Variants in ERP27 observed in about 807,000 individuals in gnomAD.
ERP27 encodes endoplasmic reticulum protein 27.
In ERP27, 23 loss-of-function variants were observed where a neutral mutation model predicts 27.7. That is an observed-to-expected ratio of 0.83 (90% CI 0.60 to 1.18). The LOEUF (loss-of-function observed/expected upper bound fraction) is 1.18, where lower values mean the gene tolerates loss of function less well. ERP27 is among the 50% of genes most tolerant of loss of function. The pLI is 0.00. For missense variants in ERP27, 363 were observed against 327.9 expected (o/e 1.11, Z -0.83); for synonymous variants, 159 against 118.3 (o/e 1.34, Z -2.23).
At chr12:14,933,995 C>G (rs1863735808) in intron 3 of ERP27, among the ~76,000 whole-genome samples, 1 of 152,170 alleles carries the variant, frequency 6.6e-6, no homozygotes, top group Non-Finnish European at 1.5e-5. Context: ...ATGTTACTCC[C>G]CTGATGTAAA....
intron 3 of ERP27, among the ~76,000 whole-genome samples, chr12:14,934,531 G>A (rs896670839): frequency 6.6e-6 from 1 of 152,148 alleles, no homozygotes; most frequent in Admixed American, 6.5e-5. Flanking sequence ...TGACCTTAGA[G>A]ATAATACAGT....
Position 14,938,057 on chromosome 12 carries a change from A to G in ERP27, c.95-5T>C. ...CCTGGGCAGCACCAGGACCATCTAG[A>G]GAGAGAAGCAGAAGATGTCAGGGTA... On this transcript the variant is annotated splice_polypyrimidine_tract_variant and splice_region_variant and intron_variant, in intron 1 of 6. Transcript: ENST00000266397. 6.2e-7 allele frequency: 1 copy of G among 1,611,724 alleles called. No homozygotes were observed.
At chr12:14,938,332 G>C in intron 1 of ERP27, 83 bp downstream of exon 1, 3 of 1,405,554 alleles carry the variant, frequency 2.1e-6, no homozygotes, top group Non-Finnish European at 3.0e-6. Flanking sequence ...TGGAGGAAAA[G>C]TACCCAGAGA....
chr12:14,935,106 T>TGCCCAGTAACACATGATTTACC (rs1863756065), intron 2 of ERP27, 113 bp from the exon 3 acceptor site: 3 of 1,492,404 alleles, frequency 2.0e-6, no homozygotes, highest in African/African-American at 2.8e-5. Flanking sequence ...TTTGATTTAC[T>TGCCCAGTAACACATGATTTACC]GCCCAGTAAC....
chr12:14,938,198 T>C (rs1364936749), intron 1 of ERP27, 146 bp from the exon 2 acceptor site: 3 of 790,346 alleles, frequency 3.8e-6, no homozygotes, highest in Non-Finnish European at 6.3e-6. Flanking sequence ...AGGCATAATA[T>C]TTTTACTAAC....
chr12:14,926,519 AC>A (rs1863605244), intron 3 of ERP27, among the ~76,000 whole-genome samples: 1 of 152,122 alleles, frequency 6.6e-6, no homozygotes, highest in Non-Finnish European at 1.5e-5. Flanking sequence ...TTTCTGTCCT[AC>A]TTTTGAATTG....
intron 6 of ERP27, 103 bp from the exon 7 acceptor site, chr12:14,914,885 A>G: frequency 1.1e-6 from 1 of 909,976 alleles, no homozygotes; most frequent in Non-Finnish European, 1.7e-6. Flanking sequence ...ACCCTGTTAT[A>G]TGAAGTTTGA....
chr12:14,925,360 C>T (rs1438882558), intron 3 of ERP27, among the ~76,000 whole-genome samples: 1 of 152,030 alleles, frequency 6.6e-6, no homozygotes, highest in Non-Finnish European at 1.5e-5. Context: ...TTTATGTTTC[C>T]AAGATATAAA....
intron 3 of ERP27, among the ~76,000 whole-genome samples, chr12:14,929,743 G>A (rs1863670213): frequency 1.3e-5 from 2 of 151,950 alleles, no homozygotes; most frequent in Non-Finnish European, 1.5e-5. Flanking sequence ...CTGTTCATTA[G>A]TATTTCAGCT....
chr12:14,933,741 C>T (rs956677475), intron 3 of ERP27, among the ~76,000 whole-genome samples: 1 of 152,160 alleles, frequency 6.6e-6, no homozygotes, highest in Non-Finnish European at 1.5e-5. Flanking sequence ...CTGCACATGA[C>T]CTCACTATTC....
At chr12:14,933,050 A>C (rs999289481) in intron 3 of ERP27, among the ~76,000 whole-genome samples, 1 of 152,246 alleles carries the variant, frequency 6.6e-6, no homozygotes, top group African/African-American at 2.4e-5. Context: ...TATGCAAAAG[A>C]ATTGTACTTC....
chr12:14,922,588 A>G (rs1436384303), intron 3 of ERP27, among the ~76,000 whole-genome samples: 1 of 152,204 alleles, frequency 6.6e-6, no homozygotes, highest in African/African-American at 2.4e-5. Context: ...GTGACTGCAC[A>G]TGAAAGAAGG....
chr12:14,938,319 G>T, intron 1 of ERP27, 96 bp downstream of exon 1: 2 of 1,273,274 alleles, frequency 1.6e-6, no homozygotes, highest in South Asian at 1.2e-5. Context: ...AGCTTTCTAG[G>T]TGTGGAGGAA....
Position 14,937,970 on chromosome 12 carries a change from A to C in ERP27, c.177T>G (p.Ala59=). The C allele has an allele frequency of 1.9e-6, 3 of 1,613,954 alleles. No homozygotes were observed. Among genetic ancestry groups the C allele is most frequent in the Non-Finnish European group, 2.5e-6 (3 of 1,179,828 alleles). ...AACTAACCTGGAAGAAGCCTATGAC[A>C]GCCACCTCAGTGGCAGCAATGAATT... ...AMEFIAATEV[A]VIGFFQDLEI... is the part of the protein sequence containing the mutation. The change falls in exon 2 of 7, where the codon GCT becomes GCG. Residue 59 remains alanine (A), a synonymous_variant. Transcript: ENST00000266397.
chr12:14,934,423 G>A (rs933759286), intron 3 of ERP27, among the ~76,000 whole-genome samples: 2 of 151,976 alleles, frequency 1.3e-5, no homozygotes, highest in East Asian at 1.9e-4. Context: ...TTTATTATCG[G>A]TATCTTGCAT....
rs1253080325 is a variant in ERP27, at chr12:14,938,468, A to G, written c.41T>C (p.Leu14Pro). The G allele has an allele frequency of 1.2e-6, 2 of 1,613,964 alleles. No individual in the cohort carries two copies. Among genetic ancestry groups the G allele is most frequent in the Non-Finnish European group, 1.7e-6 (2 of 1,180,010 alleles). ...TTCTGCAGCCAGCTCACACGTGAGGAGAAATAAGAGGAACATGAACCTGGA... is the reference window on the plus strand; with the variant it reads ...TTCTGCAGCCAGCTCACACGTGAGGGGAAATAAGAGGAACATGAACCTGGA... ...APSRFMFLLF[L>P]LTCELAAEVA... Residue 14 changes from leucine to proline, a missense_variant, in exon 1 of 7, where the codon CTC becomes CCC. Coordinates refer to ENST00000266397, the MANE Select transcript of ERP27 (RefSeq NM_152321.4).
rs532808202 is a variant in ERP27, at chr12:14,929,140, C to G, written c.333+5716G>C. ...CATCGCTGTGCATGGATCAAGAATC[C>G]CCCCCTCCCTGTACTCTTTTCCGGG... On this transcript the variant is annotated intron_variant, in intron 3 of 6. Coordinates refer to ENST00000266397, the MANE Select transcript of ERP27 (RefSeq NM_152321.4). The G allele has an allele frequency of 8.1e-5, 117 of 1,443,582 alleles. 2 individuals carry two copies. The South Asian group carries it at 1.6e-3, about 20-fold the overall frequency. The allele number at this position is 1,443,582 out of a possible 1,614,324, so 89.4% of individuals were successfully genotyped here. A position where few individuals can be genotyped will look rare whatever the true frequency, so the allele number is the denominator to read the frequency against.
chr12:14,925,790 C>T (rs1440538659), intron 3 of ERP27, among the ~76,000 whole-genome samples: 1 of 151,930 alleles, frequency 6.6e-6, no homozygotes, highest in Non-Finnish European at 1.5e-5. Context: ...AGTGTTGGGG[C>T]CTGGCGCAGT....
chr12:14,938,369 AAT>A, intron 1 of ERP27, 44 bp downstream of exon 1: 1 of 1,578,598 alleles, frequency 6.3e-7, no homozygotes, highest in Non-Finnish European at 8.7e-7. Flanking sequence ...TCCTTCTCCT[AAT>A]AACACTTTCA....
Sources: allele counts gnomAD v4.1 joint callset (sites outside exome capture counted in the v4.1 genomes callset), GRCh38; gene constraint gnomAD v4.1.1; transcripts MANE v1.5; gene names NCBI Gene and HGNC (gene_info 2026-07-23, HGNC 2026-07-21).